Variants in FCHSD1 observed in about 807,000 individuals in gnomAD.
The protein encoded by FCHSD1 is F-BAR and double SH3 domains protein 1.
Under a neutral mutation model 101.3 loss-of-function variants are expected in FCHSD1, and 109 were observed. That is an observed-to-expected ratio of 1.08 (90% confidence interval 0.92 to 1.26). The LOEUF is 1.26. Among genes scored for constraint, FCHSD1 ranks in the 50% most tolerant of loss-of-function variants. The probability of loss-of-function intolerance (pLI) is 0.00; values close to 1 mark genes in which losing one functional copy is unlikely to be tolerated. For missense variants in FCHSD1, 820 were observed against 895.8 expected, an observed-to-expected ratio of 0.92 and a Z score of 1.08; for synonymous variants, 291 against 356.8, an observed-to-expected ratio of 0.82 and a Z score of 2.08.
intron 7 of FCHSD1, 31 bp downstream of exon 7, chr5:141,648,926 C>T (rs900687469): frequency 6.2e-7 from 1 of 1,613,304 alleles, no homozygotes; most frequent in South Asian, 1.1e-5. Context: ...TCCCTCTTCC[C>T]TGCCCCCACT....
rs763720485 is a variant in FCHSD1, at chr5:141,640,443, G to C, written c.*1055C>G. The C allele has an allele frequency of 6.2e-7, 1 of 1,614,058 alleles. No individual in the cohort carries two copies. The highest frequency in any genetic ancestry group is 8.5e-7 in the Non-Finnish European group (1 of 1,180,026). On this transcript the variant is annotated 3_prime_UTR_variant, in exon 20 of 20. Coordinates refer to ENST00000435817, the MANE Select transcript of FCHSD1 (RefSeq NM_033449.3). ...CTACCACAGGGAGCAGGGAGTATGTGAGGTGAGTCTGCCTGAGCCCTAAAT... is the reference window on the plus strand; with the variant it reads ...CTACCACAGGGAGCAGGGAGTATGTCAGGTGAGTCTGCCTGAGCCCTAAAT...
intron 7 of FCHSD1, among the ~76,000 whole-genome samples, chr5:141,648,744 T>C (rs1376022373): frequency 6.6e-6 from 1 of 152,182 alleles, no homozygotes; most frequent in Non-Finnish European, 1.5e-5. Flanking sequence ...AATAAATGCA[T>C]ATTAAAGGAC....
chr5:141,644,453 G>A lies in FCHSD1; in HGVS notation c.1643-15C>T, dbSNP rs775482820. On this transcript the variant is annotated splice_polypyrimidine_tract_variant and intron_variant, in intron 16 of 19. Transcript: ENST00000435817. The stretch of plus-strand genomic sequence containing the variant: ...TGCCAGGAATGCTACAGAGGCCCAG[G>A]AGAGACGGTGAGAGGGAGGTGGGTA... 39 of 1,611,342 alleles carry A rather than the reference G, an allele frequency of 2.4e-5. No individual in the cohort carries two copies. In the East Asian group the frequency reaches 6.7e-4, roughly 28 times the overall value.
chr5:141,641,544 G>C lies in FCHSD1; in HGVS notation c.2027C>G (p.Pro676Arg). 2.6e-6 allele frequency: 4 copies of C among 1,522,518 alleles called. No homozygotes were observed. The highest frequency in any genetic ancestry group is 3.5e-6 in the Non-Finnish European group (4 of 1,133,872). 94.3% of individuals were successfully genotyped at this position (1,522,518 alleles called of 1,614,324 possible). A position where few individuals can be genotyped will look rare whatever the true frequency, so the allele number is the denominator to read the frequency against. ...GCCAGGATCCGGGGCTTTAGCCGGCGGGGGAGGTGGTGGACGCATCTGTAG... is the reference window on the plus strand; with the variant it reads ...GCCAGGATCCGGGGCTTTAGCCGGCCGGGGAGGTGGTGGACGCATCTGTAG... ...RLRPMRPPPP[P>R]PAKAPDPGHP... Residue 676 changes from proline (P) to arginine (R), a missense_variant, in exon 20 of 20, where the codon CCG (proline) becomes CGG (arginine). Coordinates refer to ENST00000435817, the MANE Select transcript of FCHSD1 (RefSeq NM_033449.3).
intron 3 of FCHSD1, 62 bp downstream of exon 3, chr5:141,650,297 A>C (rs2154598518): frequency 6.2e-7 from 1 of 1,604,120 alleles, no homozygotes; most frequent in East Asian, 2.2e-5. Flanking sequence ...GTATGGACAG[A>C]CATTACTGGT....
At chr5:141,648,844 T>A in intron 7 of FCHSD1, 113 bp downstream of exon 7, 1 of 1,233,612 alleles carries the variant, frequency 8.1e-7, no homozygotes, top group East Asian at 2.3e-5. Context: ...ACCCAGGAAG[T>A]AGGAGAGCCT....
Position 141,649,051 on chromosome 5 carries a change from A to C in FCHSD1, c.513-31T>G. 3.1e-6 allele frequency: 5 copies of C among 1,613,846 alleles called. No homozygotes were observed. The highest frequency in any genetic ancestry group is 3.4e-6 in the Non-Finnish European group (4 of 1,179,838). On this transcript the variant is annotated intron_variant, in intron 6 of 19. Transcript: ENST00000435817. The surrounding 1 kb of genome is among the most constrained non-coding windows in gnomAD (Gnocchi z 4.1). ...CAGATGAGAGAAAGGAGTCAGGCCC[A>C]CCCCAAGTGGGAGAATATGAGATCA... is the stretch of plus-strand genomic sequence containing the variant.
At position 141,649,185 on chromosome 5, in the gene FCHSD1, C is replaced by G; in HGVS notation, c.499G>C (p.Asp167His). The change falls in exon 6 of 20, where the codon GAT becomes CAT. Residue 167 changes from aspartate to histidine, a missense_variant. Physicochemically the swap from Asp to His is moderately conservative, Grantham distance 81. Coordinates refer to ENST00000435817, the MANE Select transcript of FCHSD1 (RefSeq NM_033449.3). This position sits in a 1 kb window ranked among gnomAD's most constrained non-coding sequence, Gnocchi z 4.1. ...CCATGACCCCACCTGGCCTGGACATCAGCCGCCTTCTCCTGTGCCAAGGCC... is the reference window on the plus strand; with the variant it reads ...CCATGACCCCACCTGGCCTGGACATGAGCCGCCTTCTCCTGTGCCAAGGCC... ...VWALAQEKAADVQARLNRSDH... is the reference protein window; with the variant it reads ...VWALAQEKAAHVQARLNRSDH... 6.2e-7 allele frequency: 1 copy of G among 1,614,036 alleles called. No homozygotes were observed. The highest frequency in any genetic ancestry group is 8.5e-7 in the Non-Finnish European group (1 of 1,179,898).
chr5:141,644,957 A>T lies in FCHSD1; in HGVS notation c.1441-15T>A. 6.2e-7 allele frequency: 1 copy of T among 1,613,916 alleles called. No homozygotes were observed. On this transcript the variant is annotated splice_polypyrimidine_tract_variant and intron_variant, in intron 14 of 19. Transcript: ENST00000435817. ...TCACGCCCTGCCTGGGCCACACACG[A>T]AGGATTCAGGACTTGGCTGTCCCCC...
Position 141,644,396 on chromosome 5 carries a change from G to A in FCHSD1, c.1685C>T (p.Ala562Val). The change falls in exon 17 of 20, where the codon GCA (alanine) becomes GTA (valine). Residue 562 changes from alanine to valine, a missense_variant. Physicochemically the swap from Ala to Val is moderately conservative, Grantham distance 64. Coordinates refer to ENST00000435817, the MANE Select transcript of FCHSD1 (RefSeq NM_033449.3). Reference protein sequence around the residue: ...QALYSYTGQSAEELSFPEGAL... With the variant: ...QALYSYTGQSVEELSFPEGAL... ...CCCCTCAGGGAAGCTCAGCTCCTCT[G>A]CACTCTGTCCGGTGTAGCTGTACAG... is the stretch of plus-strand genomic sequence containing the variant. The A allele has an allele frequency of 6.2e-7, 1 of 1,613,922 alleles. No homozygotes were observed. The highest frequency in any genetic ancestry group is 8.5e-7 in the Non-Finnish European group (1 of 1,179,854).
Position 141,649,020 on chromosome 5 carries a change from C to T in FCHSD1, c.513G>A (p.Arg171=), listed in dbSNP as rs2099908027. 1 of 1,613,956 alleles carries T rather than the reference C, an allele frequency of 6.2e-7. No individual in the cohort carries two copies. Among genetic ancestry groups the T allele is most frequent in the South Asian group, 1.1e-5 (1 of 91,070 alleles). ...AQEKAADVQA[R]LNRSDHGIFH... is the part of the protein sequence containing the mutation. ...AGATCCCATGGTCACTTCGGTTTAG[C>T]CTGTGCAGATGAGAGAAAGGAGTCA... Residue 171 remains arginine (R), a splice_region_variant and synonymous_variant, in exon 7 of 20, where the codon AGG becomes AGA. Transcript: ENST00000435817. This position sits in a 1 kb window ranked among gnomAD's most constrained non-coding sequence, Gnocchi z 4.1.
chr5:141,640,976 GC>G lies in FCHSD1; in HGVS notation c.*521del. 2.2e-6 allele frequency: 1 copy of G among 457,358 alleles called. No homozygotes were observed. Among genetic ancestry groups the G allele is most frequent in the South Asian group, 4.9e-5 (1 of 20,594 alleles). 28.3% of individuals were successfully genotyped at this position (457,358 alleles called of 1,614,324 possible). On this transcript the variant is annotated 3_prime_UTR_variant, in exon 20 of 20. Transcript: ENST00000435817. Reference sequence around the variant, plus strand: ...GGCCCCTAAAGCAATAGCACCGTAGGCCCCCTGCCCTCTTAGCACAAGAGGC... The same window carrying G: ...GGCCCCTAAAGCAATAGCACCGTAGGCCCCTGCCCTCTTAGCACAAGAGGC...
In FCHSD1 at chr5:141,641,526, T is replaced by G. The variant is rs147539548; in HGVS notation, c.2045A>C (p.Asp682Ala). 3,118 of 1,514,482 alleles carry G rather than the reference T, an allele frequency of 2.1e-3. 92 individuals carry two copies. In the East Asian group the frequency reaches 0.059, roughly 29 times the overall value. 93.8% of individuals were successfully genotyped at this position (1,514,482 alleles called of 1,614,324 possible). Residue 682 changes from aspartate (D) to alanine (A), a missense_variant, in exon 20 of 20, where the codon GAT (aspartate) becomes GCT (alanine). Transcript: ENST00000435817. ...GGTGAGGGGATCTGGGTGGCCAGGA[T>G]CCGGGGCTTTAGCCGGCGGGGGAGG... is the stretch of plus-strand genomic sequence containing the variant. ...PPPPPPAKAP[D>A]PGHPDPLT
intron 1 of FCHSD1, 68 bp from the exon 2 acceptor site, chr5:141,651,185 G>T: frequency 6.6e-7 from 1 of 1,507,712 alleles, no homozygotes; most frequent in Non-Finnish European, 9.0e-7. Flanking sequence ...GCAGGGAGCG[G>T]TGAGGGGGCG....
Position 141,648,047 on chromosome 5 carries a change from T to C in FCHSD1, c.626A>G (p.Asn209Ser), listed in dbSNP as rs746866729. 8.1e-6 allele frequency: 13 copies of C among 1,613,516 alleles called. No individual in the cohort carries two copies. The highest frequency in any genetic ancestry group is 3.3e-5 in the Admixed American group (2 of 59,978). ...QYSQQLQAAR[N>S]EYLLNLVATN... is the part of the protein sequence containing the mutation. The stretch of plus-strand genomic sequence containing the variant: ...AGCCACCAAGTTAAGCAGGTACTCA[T>C]TGCGGGCTGCTTGCAGCTGCTGGGA... Residue 209 changes from asparagine (N) to serine (S), a missense_variant, in exon 8 of 20, where the codon AAT (asparagine) becomes AGT (serine). Coordinates refer to ENST00000435817, the MANE Select transcript of FCHSD1 (RefSeq NM_033449.3).
chr5:141,642,465 T>A, intron 18 of FCHSD1: 2 of 668,258 alleles, frequency 3.0e-6, no homozygotes, highest in Non-Finnish European at 5.3e-6. Flanking sequence ...CAGTATGCAA[T>A]ATATCCATAT....
Position 141,649,192 on chromosome 5 carries a change from C to T in FCHSD1, c.492G>A (p.Lys164=). The T allele has an allele frequency of 6.2e-7, 1 of 1,614,022 alleles. No homozygotes were observed. Among genetic ancestry groups the T allele is most frequent in the Non-Finnish European group, 8.5e-7 (1 of 1,179,896 alleles). Residue 164 remains lysine (K), a synonymous_variant, in exon 6 of 20, where the codon AAG becomes AAA. Transcript: ENST00000435817. This position sits in a 1 kb window ranked among gnomAD's most constrained non-coding sequence, Gnocchi z 4.1. Reference sequence around the variant, plus strand: ...CCCACCTGGCCTGGACATCAGCCGCCTTCTCCTGTGCCAAGGCCCACACAC... The same window carrying T: ...CCCACCTGGCCTGGACATCAGCCGCTTTCTCCTGTGCCAAGGCCCACACAC... The part of the protein sequence containing the change: ...RERVWALAQE[K]AADVQARLNR...
chr5:141,639,699 A>G lies in FCHSD1; in HGVS notation c.*1799T>C. 1 of 1,526,856 alleles carries G rather than the reference A, an allele frequency of 6.5e-7. No individual in the cohort carries two copies. The highest frequency in any genetic ancestry group is 1.4e-5 in the African/African-American group (1 of 72,174). 94.6% of individuals were successfully genotyped at this position (1,526,856 alleles called of 1,614,324 possible). Reference sequence around the variant, plus strand: ...GGGGGCTGAGGTAGGGGGCCCAGTGATCAGGCACCTGATCCCAAAAGTGGG... The same window carrying G: ...GGGGGCTGAGGTAGGGGGCCCAGTGGTCAGGCACCTGATCCCAAAAGTGGG... On this transcript the variant is annotated 3_prime_UTR_variant, in exon 20 of 20. Transcript: ENST00000435817. The surrounding 1 kb of genome is among the most constrained non-coding windows in gnomAD (Gnocchi z 4.4).
rs770859414 is a variant in FCHSD1, at chr5:141,640,164, C to T, written c.*1334G>A. 57 of 1,614,022 alleles carry T rather than the reference C, an allele frequency of 3.5e-5. No individual in the cohort carries two copies. The highest frequency in any genetic ancestry group is 1.6e-4 in the Middle Eastern group (1 of 6,084). On this transcript the variant is annotated 3_prime_UTR_variant, in exon 20 of 20. Transcript: ENST00000435817. ...ACTCAGGGACAGCAGCCTAACCCCT[C>T]GTGCACTTGAAGGGAACCCCAGAGC...
Sources: gnomAD v4.1 joint callset for allele counts (sites outside exome capture counted in the v4.1 genomes callset) on GRCh38, gnomAD v4.1.1 for gene constraint, Gnocchi (gnomAD v3.1) non-coding constraint, MANE v1.5 for transcripts, NCBI Gene and HGNC (gene_info 2026-07-23, HGNC 2026-07-21) for gene names.